Variants in OXR1 observed in about 807,000 individuals in gnomAD.
The protein encoded by OXR1 is oxidation resistance protein 1.
Under a neutral mutation model 104.6 loss-of-function variants are expected in OXR1, and 41 were observed. The observed-to-expected ratio is 0.39, with a 90% confidence interval of 0.31 to 0.51. The LOEUF is 0.51. Among genes scored for constraint, OXR1 ranks in the 20% least tolerant of loss-of-function variants. The probability of loss-of-function intolerance (pLI) is 0.77; values close to 1 mark genes in which losing one functional copy is unlikely to be tolerated. For missense variants in OXR1, 955 were observed against 1,031.9 expected (o/e 0.93, Z 1.02); for synonymous variants, 348 against 348.4 (o/e 1.00, Z 0.01).
At chr8:106,467,250 A>G (rs547363532) in intron 2 of OXR1, among the ~76,000 whole-genome samples, 7 of 152,024 alleles carry the variant, frequency 4.6e-5, no homozygotes, top group African/African-American at 9.6e-5. Context: ...AGCAATTATT[A>G]TCATGTTCAT....
At chr8:106,634,695 G>GT (rs908623175) in intron 3 of OXR1, among the ~76,000 whole-genome samples, 1 of 152,084 alleles carries the variant, frequency 6.6e-6, no homozygotes, top group Non-Finnish European at 1.5e-5. Context: ...ATCTATTCAA[G>GT]TTTTTTAGAC....
intron 2 of OXR1, among the ~76,000 whole-genome samples, chr8:106,484,928 G>T (rs78480254): frequency 1.1e-3 from 169 of 152,058 alleles, no homozygotes; most frequent in African/African-American, 3.9e-3. Context: ...AAGCAACCAA[G>T]ATATCCTTCA....
At chr8:106,433,004 G>A (rs1249026500) in intron 2 of OXR1, among the ~76,000 whole-genome samples, 2 of 152,162 alleles carry the variant, frequency 1.3e-5, no homozygotes, top group East Asian at 1.9e-4. Flanking sequence ...TTCCTTGCCT[G>A]CTGCCTAGAC....
intron 2 of OXR1, among the ~76,000 whole-genome samples, chr8:106,430,312 G>A (rs562779801): frequency 2.0e-5 from 3 of 152,204 alleles, no homozygotes; most frequent in South Asian, 2.1e-4. Context: ...TGGAATGAAT[G>A]TTATGTTTAT....
At chr8:106,286,207 G>C (rs558450478) in intron 1 of OXR1, among the ~76,000 whole-genome samples, 3 of 152,140 alleles carry the variant, frequency 2.0e-5, no homozygotes, top group East Asian at 3.9e-4. Flanking sequence ...TTGTTATCCA[G>C]TGGAGGAAGC....
chr8:106,585,880 C>T (rs1586850968), intron 3 of OXR1, among the ~76,000 whole-genome samples: 1 of 152,056 alleles, frequency 6.6e-6, no homozygotes, highest in East Asian at 1.9e-4. Context: ...CAGAAATATC[C>T]AGGTACATGT....
chr8:106,713,962 C>A lies in OXR1; in HGVS notation c.1933C>A (p.Gln645Lys), dbSNP rs1488023631. 1 of 1,577,386 alleles carries A rather than the reference C, an allele frequency of 6.3e-7. No homozygotes were observed. The highest frequency in any genetic ancestry group is 2.3e-5 in the East Asian group (1 of 42,886). Residue 645 changes from glutamine to lysine, a missense_variant, in exon 11 of 17, where the codon CAA becomes AAA. Transcript: ENST00000517566. ...TGAAACAATTGAGGATTCTAGTAAT[C>A]AAGCAGCAGCCAGAGAATGGGAGGT... ...ESETIEDSSN[Q>K]AAAREWEVVS...
At chr8:106,487,021 CTTT>C (rs11296936) in intron 2 of OXR1, among the ~76,000 whole-genome samples, 4 of 129,680 alleles carry the variant, frequency 3.1e-5, no homozygotes, top group East Asian at 4.3e-4. Context: ...AATCCAGACA[CTTT>C]TTTTTTTTTT....
intron 3 of OXR1, among the ~76,000 whole-genome samples, chr8:106,552,958 A>G (rs1007436569): frequency 1.3e-5 from 2 of 152,174 alleles, no homozygotes; most frequent in Admixed American, 1.3e-4. Context: ...GATAACAAAG[A>G]CTGTTTTATT....
At chr8:106,554,061 T>A (rs1816077391) in intron 3 of OXR1, among the ~76,000 whole-genome samples, 1 of 152,194 alleles carries the variant, frequency 6.6e-6, no homozygotes, top group African/African-American at 2.4e-5. Context: ...GGATTTGAGT[T>A]ACCATGGGTT....
intron 1 of OXR1, among the ~76,000 whole-genome samples, chr8:106,316,725 T>TATCTATCTATCTATC (rs1563713982): frequency 3.6e-3 from 233 of 65,432 alleles, no homozygotes; most frequent in East Asian, 5.2e-3. Flanking sequence ...ATCATCTATC[T>TATCTATCTATCTATC]ATCTATCTAT....
chr8:106,713,171 AG>A (rs1330203874), intron 10 of OXR1, among the ~76,000 whole-genome samples: 9 of 152,004 alleles, frequency 5.9e-5, no homozygotes, highest in African/African-American at 2.2e-4. Context: ...GGTATATGTT[AG>A]CTGAAAGTTA....
intron 11 of OXR1, among the ~76,000 whole-genome samples, chr8:106,719,171 G>A (rs1362920445): frequency 6.6e-6 from 1 of 152,094 alleles, no homozygotes; most frequent in Non-Finnish European, 1.5e-5. Context: ...GCAGTTCTGT[G>A]ATAAATATTA....
At chr8:106,598,555 C>T (rs1430810216) in intron 3 of OXR1, among the ~76,000 whole-genome samples, 1 of 152,200 alleles carries the variant, frequency 6.6e-6, no homozygotes, top group African/African-American at 2.4e-5. Flanking sequence ...GGTTTGATTC[C>T]TGCTTTCAGG....
At chr8:106,671,387 A>G (rs1372049338) in intron 3 of OXR1, among the ~76,000 whole-genome samples, 1 of 152,176 alleles carries the variant, frequency 6.6e-6, no homozygotes, top group Non-Finnish European at 1.5e-5. Flanking sequence ...TCTTAAAAAT[A>G]ATGTTTTTTA....
intron 3 of OXR1, among the ~76,000 whole-genome samples, chr8:106,529,280 T>C (rs192400101): frequency 2.1e-4 from 32 of 152,330 alleles, no homozygotes; most frequent in Admixed American, 7.2e-4. Context: ...TGCATGTTTG[T>C]TGGGGGCGAT....
intron 15 of OXR1, among the ~76,000 whole-genome samples, chr8:106,743,754 T>C (rs1452648912): frequency 1.3e-5 from 2 of 152,314 alleles, no homozygotes; most frequent in African/African-American, 2.4e-5. Flanking sequence ...ACTGGGTATT[T>C]ACCCAAAGGA....
chr8:106,585,191 A>C (rs1818536939), intron 3 of OXR1, among the ~76,000 whole-genome samples: 1 of 152,100 alleles, frequency 6.6e-6, no homozygotes. Context: ...AGTCTACAAC[A>C]GCAACTATGA....
intron 2 of OXR1, among the ~76,000 whole-genome samples, chr8:106,439,537 T>A (rs1819703140): frequency 6.6e-6 from 1 of 152,148 alleles, no homozygotes; most frequent in African/African-American, 2.4e-5. Context: ...TTTGCTTTCC[T>A]TTTTTTCTGA....
Sources: gnomAD v4.1 joint callset for allele counts (sites outside exome capture counted in the v4.1 genomes callset) on GRCh38, gnomAD v4.1.1 for gene constraint, MANE v1.5 for transcripts, NCBI Gene and HGNC (gene_info 2026-07-23, HGNC 2026-07-21) for gene names.